Variants in UNC5D observed in about 807,000 individuals in gnomAD.
UNC5D encodes netrin receptor UNC5D.
A neutral mutation model predicts 105.4 loss-of-function variants in UNC5D; 39 were observed. The observed-to-expected ratio is 0.37, with a 90% CI of 0.29 to 0.48. The LOEUF (loss-of-function observed/expected upper bound fraction) is 0.48. UNC5D is among the 20% of genes least tolerant of loss of function. The pLI, the probability that UNC5D is intolerant of heterozygous loss-of-function variation, is 0.98. For synonymous variants in UNC5D, 452 were observed against 450.4 expected (o/e 1.00, Z -0.04); for missense variants, 991 against 1,202.4 (o/e 0.82, Z 2.60).
At chr8:35,403,375 GTCC>G (rs1429676162) in intron 1 of UNC5D, among the ~76,000 whole-genome samples, 1 of 152,182 alleles carries the variant, frequency 6.6e-6, no homozygotes, top group African/African-American at 2.4e-5. Flanking sequence ...TAGAGTTTCA[GTCC>G]TCCTCACCAT....
intron 1 of UNC5D, among the ~76,000 whole-genome samples, chr8:35,443,347 C>T (rs1378197458): frequency 1.3e-5 from 2 of 151,626 alleles, no homozygotes; most frequent in African/African-American, 4.8e-5. Flanking sequence ...GGAGATCATT[C>T]TGTGGGAGTC....
chr8:35,484,986 G>C (rs1410930078), intron 1 of UNC5D, among the ~76,000 whole-genome samples: 1 of 152,164 alleles, frequency 6.6e-6, no homozygotes, highest in East Asian at 1.9e-4. Context: ...TTTGCCTTAA[G>C]TAAATAGCTT....
intron 1 of UNC5D, among the ~76,000 whole-genome samples, chr8:35,394,445 C>A (rs982948226): frequency 6.6e-6 from 1 of 151,752 alleles, no homozygotes; most frequent in African/African-American, 2.4e-5. Flanking sequence ...TTCAAAAAAC[C>A]ATGTCCATAT....
At chr8:35,469,613 A>G (rs1809563532) in intron 1 of UNC5D, among the ~76,000 whole-genome samples, 2 of 152,204 alleles carry the variant, frequency 1.3e-5, no homozygotes, top group Admixed American at 1.3e-4. Context: ...GCACGATAAT[A>G]CCAACTGCTC....
chr8:35,391,269 C>A (rs1034558841), intron 1 of UNC5D, among the ~76,000 whole-genome samples: 1 of 152,192 alleles, frequency 6.6e-6, no homozygotes, highest in Admixed American at 6.5e-5. Flanking sequence ...TCCTGGGATT[C>A]CTTCTTCTCC....
At chr8:35,369,977 T>C (rs1475193843) in intron 1 of UNC5D, among the ~76,000 whole-genome samples, 1 of 152,234 alleles carries the variant, frequency 6.6e-6, no homozygotes, top group Non-Finnish European at 1.5e-5. Context: ...ATTTTTTCTT[T>C]CCCACTCTTG....
intron 2 of UNC5D, among the ~76,000 whole-genome samples, chr8:35,567,781 C>T (rs551705824): frequency 7.7e-4 from 118 of 152,258 alleles, no homozygotes; most frequent in South Asian, 2.5e-3. Flanking sequence ...AGAATCCCAG[C>T]AATCAACATT....
chr8:35,333,298 T>G (rs992345539), intron 1 of UNC5D, among the ~76,000 whole-genome samples: 3 of 152,152 alleles, frequency 2.0e-5, no homozygotes, highest in Admixed American at 2.0e-4. Flanking sequence ...GCCACCCTGG[T>G]TGACAGAGTG....
At chr8:35,614,188 T>G (rs1820868031) in intron 4 of UNC5D, among the ~76,000 whole-genome samples, 1 of 152,210 alleles carries the variant, frequency 6.6e-6, no homozygotes, top group Non-Finnish European at 1.5e-5. Flanking sequence ...GTGAGGGTGT[T>G]CTTAATGAAA....
intron 1 of UNC5D, among the ~76,000 whole-genome samples, chr8:35,291,755 T>C: frequency 6.6e-6 from 1 of 152,216 alleles, no homozygotes; most frequent in East Asian, 1.9e-4. Context: ...TTCTCTCTTT[T>C]GTAGTTGAAT....
intron 1 of UNC5D, among the ~76,000 whole-genome samples, chr8:35,292,012 A>T (rs962822426): frequency 1.3e-5 from 2 of 152,174 alleles, no homozygotes; most frequent in African/African-American, 4.8e-5. Flanking sequence ...TTCTTCCCCC[A>T]TTTTGGCAAG....
chr8:35,679,600 G>T (rs1032954490), intron 4 of UNC5D, among the ~76,000 whole-genome samples: 1 of 152,150 alleles, frequency 6.6e-6, no homozygotes, highest in Non-Finnish European at 1.5e-5. Flanking sequence ...TAGCCTAGAG[G>T]TTTCATTCTA....
intron 15 of UNC5D, among the ~76,000 whole-genome samples, chr8:35,773,636 C>T (rs1427934041): frequency 6.6e-6 from 1 of 152,170 alleles, no homozygotes; most frequent in Non-Finnish European, 1.5e-5. Context: ...TTGGTAGCTT[C>T]TTCCTGCTGA....
chr8:35,407,607 G>A (rs1804891626), intron 1 of UNC5D, among the ~76,000 whole-genome samples: 1 of 151,868 alleles, frequency 6.6e-6, no homozygotes. Context: ...TGTGTCATGG[G>A]GGTTTGTTGT....
chr8:35,414,692 A>G (rs1022140626), intron 1 of UNC5D, among the ~76,000 whole-genome samples: 2 of 152,084 alleles, frequency 1.3e-5, no homozygotes, highest in African/African-American at 2.4e-5. Flanking sequence ...CACATTTACC[A>G]CAGGCTGTGA....
At chr8:35,459,381 T>C (rs1012208133) in intron 1 of UNC5D, among the ~76,000 whole-genome samples, 2 of 152,190 alleles carry the variant, frequency 1.3e-5, no homozygotes, top group African/African-American at 4.8e-5. Flanking sequence ...CATTTCAATT[T>C]TAAAATTTTT....
intron 1 of UNC5D, among the ~76,000 whole-genome samples, chr8:35,359,106 G>T (rs1563342308): frequency 6.6e-6 from 1 of 152,144 alleles, no homozygotes; most frequent in Non-Finnish European, 1.5e-5. Flanking sequence ...AGCTGTGATT[G>T]CACCACTGCA....
At chr8:35,331,085 G>T (rs1810591578) in intron 1 of UNC5D, among the ~76,000 whole-genome samples, 1 of 152,072 alleles carries the variant, frequency 6.6e-6, no homozygotes, top group Non-Finnish European at 1.5e-5. Context: ...TATCCAAAGG[G>T]GAATTTTGGA....
chr8:35,686,471 A>C (rs1328250991), intron 6 of UNC5D, 74 bp from the exon 7 acceptor site: 5 of 1,436,576 alleles, frequency 3.5e-6, no homozygotes, highest in Non-Finnish European at 4.6e-6. Flanking sequence ...CTAGAACAAC[A>C]GCAGTCCTGG....
Sources: gnomAD v4.1 joint callset for allele counts (sites outside exome capture counted in the v4.1 genomes callset) on GRCh38, gnomAD v4.1.1 for gene constraint, MANE v1.5 for transcripts, NCBI Gene and HGNC (gene_info 2026-07-23, HGNC 2026-07-21) for gene names.